KIF14: variants seen among roughly 807,000 people sequenced by gnomAD.
KIF14 encodes kinesin-like protein KIF14.
Under a neutral mutation model 176.2 loss-of-function variants are expected in KIF14, and 98 were observed. That is an observed-to-expected ratio of 0.56 (90% CI 0.47 to 0.66). The LOEUF (loss-of-function observed/expected upper bound fraction) is 0.66, where lower values mean the gene tolerates loss of function less well. KIF14 is among the 30% of genes least tolerant of loss of function. The pLI, the probability that KIF14 is intolerant of heterozygous loss-of-function variation, is 0.00. For missense variants in KIF14, 1,751 were observed against 1,920.4 expected (o/e 0.91, Z 1.65); for synonymous variants, 566 against 632.2 (o/e 0.90, Z 1.57).
chr1:200,619,423 G>C (rs1660575195), intron 1 of KIF14, among the ~76,000 whole-genome samples: 1 of 152,020 alleles, frequency 6.6e-6, no homozygotes, highest in Non-Finnish European at 1.5e-5. Flanking sequence ...CACGACCTTG[G>C]CTTGCTGCAA....
intron 5 of KIF14, among the ~76,000 whole-genome samples, chr1:200,607,055 C>G (rs1051787053): frequency 8.8e-6 from 1 of 113,492 alleles, no homozygotes; most frequent in Non-Finnish European, 1.7e-5. Flanking sequence ...TTTTTTTATT[C>G]TTAAAAAACT....
intron 22 of KIF14, among the ~76,000 whole-genome samples, chr1:200,570,256 T>C (rs1657703257): frequency 6.6e-6 from 1 of 152,200 alleles, no homozygotes; most frequent in Non-Finnish European, 1.5e-5. Flanking sequence ...GATATTGTGG[T>C]AAAATGTGGC....
At chr1:200,581,623 G>A (rs1658460186) in intron 19 of KIF14, among the ~76,000 whole-genome samples, 1 of 151,432 alleles carries the variant, frequency 6.6e-6, no homozygotes, top group Non-Finnish European at 1.5e-5. Flanking sequence ...ATTATTTCAA[G>A]TATTGAGTAT....
chr1:200,572,096 T>A (rs1424039973), intron 22 of KIF14, among the ~76,000 whole-genome samples: 1 of 152,204 alleles, frequency 6.6e-6, no homozygotes, highest in Admixed American at 6.5e-5. Context: ...GTCATAAACA[T>A]TGTTACAAGG....
intron 13 of KIF14, among the ~76,000 whole-genome samples, chr1:200,598,976 T>C (rs1456725267): frequency 1.3e-5 from 2 of 152,132 alleles, no homozygotes; most frequent in Non-Finnish European, 2.9e-5. Flanking sequence ...ATCACCAAAT[T>C]GTGTCTTCTT....
chr1:200,582,781 C>A (rs552190120), intron 19 of KIF14, among the ~76,000 whole-genome samples: 1 of 151,034 alleles, frequency 6.6e-6, no homozygotes, highest in Non-Finnish European at 1.5e-5. Context: ...AAGCGGGAGA[C>A]AGAAGTTGCA....
chr1:200,560,552 A>T (rs532530862), intron 26 of KIF14, among the ~76,000 whole-genome samples, 170 bp downstream of exon 26: 1 of 152,180 alleles, frequency 6.6e-6, no homozygotes, highest in South Asian at 2.1e-4. Flanking sequence ...GATTACAGGC[A>T]TAAGCCACCA....
At chr1:200,561,300 G>A (rs745811580) in intron 25 of KIF14, among the ~76,000 whole-genome samples, 11 of 150,462 alleles carry the variant, frequency 7.3e-5, no homozygotes, top group Non-Finnish European at 1.5e-4. Flanking sequence ...CAGCACTTTC[G>A]GAGGCCGAGG....
chr1:200,601,896 C>G lies in KIF14; in HGVS notation c.2152G>C (p.Glu718Gln), dbSNP rs752832850. 1.3e-6 allele frequency: 2 copies of G among 1,599,504 alleles called. No homozygotes were observed. The highest frequency in any genetic ancestry group is 1.7e-6 in the Non-Finnish European group (2 of 1,172,586). ...TTTTAAATTCTGAGAAAATATTCAC[C>G]TCTAATTAACTTAGCGTTCATATCT... ...NEDMNAKLIR[E>Q]LKAEIAKLKA... The change falls in exon 11 of 30, where the codon GAA (glutamate) becomes CAA (glutamine). Residue 718 changes from glutamate (E) to glutamine (Q), a missense_variant and splice_region_variant. Coordinates refer to ENST00000367350, the MANE Select transcript of KIF14 (RefSeq NM_014875.3).
At chr1:200,587,927 G>A (rs1303514221) in intron 18 of KIF14, among the ~76,000 whole-genome samples, 1 of 152,160 alleles carries the variant, frequency 6.6e-6, no homozygotes, top group Non-Finnish European at 1.5e-5. Context: ...GTGTCCAGGA[G>A]TTGACTAGTA....
In KIF14 at chr1:200,589,656, G is replaced by A. The variant is rs78787646; in HGVS notation, c.2962-287C>T. On this transcript the variant is annotated intron_variant, in intron 17 of 29. Coordinates refer to ENST00000367350, the MANE Select transcript of KIF14 (RefSeq NM_014875.3). Reference sequence around the variant, plus strand: ...ATTCCAGTAGCCATTGTCTATTATCGCCACCAACTTTTTTCTTTTTTTTTT... The same window carrying A: ...ATTCCAGTAGCCATTGTCTATTATCACCACCAACTTTTTTCTTTTTTTTTT... Among the ~76,000 whole-genome samples, 3,953 of 141,002 alleles carry A rather than the reference G, an allele frequency of 0.028. 102 individuals carry two copies. Among genetic ancestry groups the A allele is most frequent in the Non-Finnish European group, 0.039 (2,558 of 65,288 alleles). 92.5% of individuals were successfully genotyped at this position (141,002 alleles called of 152,430 possible). A position where few individuals can be genotyped will look rare whatever the true frequency, so the allele number is the denominator to read the frequency against.
chr1:200,553,679 A>G lies in KIF14; in HGVS notation c.4656T>C (p.Pro1552=), dbSNP rs529988099. ...TCTCATAGCTGCCAACAGAAGTAGA[A>G]GGCACACTGAAGTCACTGTAAAAAT... ...ASDFYSDFSV[P]STSVGSYESR... Residue 1552 remains proline, a synonymous_variant, in exon 30 of 30, where the codon CCT becomes CCC. Transcript: ENST00000367350. 6.2e-7 allele frequency: 1 copy of G among 1,613,978 alleles called. No homozygotes were observed. The highest frequency in any genetic ancestry group is 1.3e-5 in the African/African-American group (1 of 75,052).
intron 11 of KIF14, among the ~76,000 whole-genome samples, chr1:200,601,277 C>T (rs1294080454): frequency 6.6e-6 from 1 of 152,192 alleles, no homozygotes; most frequent in Non-Finnish European, 1.5e-5. Flanking sequence ...TCAGATTCTT[C>T]TCTGGCTCAT....
chr1:200,577,940 T>G (rs1658221053), intron 21 of KIF14, among the ~76,000 whole-genome samples: 1 of 151,810 alleles, frequency 6.6e-6, no homozygotes, highest in South Asian at 2.1e-4. Flanking sequence ...AGCACCTTCT[T>G]TTCCTACACT....
At chr1:200,602,846 A>C (rs990937725) in intron 10 of KIF14, among the ~76,000 whole-genome samples, 1 of 152,234 alleles carries the variant, frequency 6.6e-6, no homozygotes, top group Non-Finnish European at 1.5e-5. Flanking sequence ...AACTAGCAAT[A>C]TGTTTGGTAG....
intron 28 of KIF14, 111 bp downstream of exon 28, chr1:200,555,269 A>G (rs1656772230): frequency 1.5e-6 from 1 of 684,422 alleles, no homozygotes; most frequent in Non-Finnish European, 2.5e-6. Context: ...GACATATACA[A>G]AAGAGTTGTC....
chr1:200,575,803 T>C (rs1658071242), intron 21 of KIF14, 112 bp from the exon 22 acceptor site: 1 of 499,892 alleles, frequency 2.0e-6, no homozygotes, highest in South Asian at 4.9e-5. Context: ...AATTAGCAGA[T>C]TATATATTAT....
intron 12 of KIF14, 95 bp downstream of exon 12, chr1:200,600,261 G>T: frequency 7.4e-7 from 1 of 1,353,634 alleles, no homozygotes; most frequent in Non-Finnish European, 1.1e-6. Context: ...TCATAAGGAA[G>T]GTCGGAAAAA....
chr1:200,574,040 T>C (rs1428471683), intron 22 of KIF14, among the ~76,000 whole-genome samples: 1 of 152,188 alleles, frequency 6.6e-6, no homozygotes, highest in African/African-American at 2.4e-5. Flanking sequence ...GACAAGTCAC[T>C]TAACCTCTCT....
Sources: gnomAD v4.1 joint callset for allele counts (sites outside exome capture counted in the v4.1 genomes callset) on GRCh38, gnomAD v4.1.1 for gene constraint, MANE v1.5 for transcripts, NCBI Gene and HGNC (gene_info 2026-07-23, HGNC 2026-07-21) for gene names.